The following TXLNB variants were observed in gnomAD, a reference collection of about 807,000 sequenced individuals.
TXLNB encodes the protein taxilin beta.
A neutral mutation model predicts 57.4 loss-of-function variants in TXLNB; 37 were observed. The observed-to-expected ratio is 0.64, with a 90% CI of 0.50 to 0.85. The LOEUF is 0.85. TXLNB is among the 40% of genes least tolerant of loss of function. The probability of loss-of-function intolerance (pLI) is 0.00; values close to 1 mark genes in which losing one functional copy is unlikely to be tolerated. For synonymous variants in TXLNB, 302 were observed against 309.6 expected (o/e 0.98, Z 0.26); for missense variants, 848 against 825.6 (o/e 1.03, Z -0.33).
chr6:139,317,291 T>A, the TXLNB span, among the ~76,000 whole-genome samples: 1 of 152,172 alleles, frequency 6.6e-6, no homozygotes, highest in Admixed American at 6.5e-5. Flanking sequence ...ACACAATGAT[T>A]GGCATTAAGT....
chr6:139,244,080 C>G (rs1244707735), intron 9 of TXLNB, among the ~76,000 whole-genome samples: 2 of 152,130 alleles, frequency 1.3e-5, no homozygotes, highest in Non-Finnish European at 2.9e-5. Context: ...TTTGGACTCT[C>G]AAAACCTACT....
chr6:139,209,791 T>C, the TXLNB span, among the ~76,000 whole-genome samples: 8 of 152,072 alleles, frequency 5.3e-5, no homozygotes, highest in Non-Finnish European at 8.8e-5. Flanking sequence ...AAAAACTCTT[T>C]TAGACATTGG....
At chr6:139,194,076 C>G in the TXLNB span, among the ~76,000 whole-genome samples, 2 of 151,618 alleles carry the variant, frequency 1.3e-5, no homozygotes, top group African/African-American at 4.8e-5. Flanking sequence ...CTCCTGACCT[C>G]GTGATCCGCC....
chr6:139,288,653 C>T lies in TXLNB; in HGVS notation c.247G>A (p.Ala83Thr). The change falls in exon 2 of 10, where the codon GCC (alanine) becomes ACC (threonine). Residue 83 changes from alanine to threonine, a missense_variant. Coordinates refer to ENST00000358430, the MANE Select transcript of TXLNB (RefSeq NM_153235.4). The part of the protein sequence containing the change: ...AASTAGKEGS[A>T]RASEQPENAE... ...TTCTCAGGCTGCTCACTGGCCCTGG[C>T]AGAGCCCTCTTTCCCTGCTGTGCTG... 1 of 1,614,194 alleles carries T rather than the reference C, an allele frequency of 6.2e-7. No individual in the cohort carries two copies. Among genetic ancestry groups the T allele is most frequent in the Non-Finnish European group, 8.5e-7 (1 of 1,180,040 alleles).
chr6:139,322,542 ATG>A, the TXLNB span, among the ~76,000 whole-genome samples: 8 of 152,274 alleles, frequency 5.3e-5, no homozygotes, highest in East Asian at 7.7e-4. Flanking sequence ...ATTATAGAAA[ATG>A]GCAACTCCAT....
At chr6:139,290,977 T>A (rs1777287489) in intron 1 of TXLNB, among the ~76,000 whole-genome samples, 1 of 152,232 alleles carries the variant, frequency 6.6e-6, no homozygotes, top group East Asian at 1.9e-4. Context: ...CAAACACTCA[T>A]AACTTAGAGG....
Position 139,243,206 on chromosome 6 carries a change from T to C in TXLNB, c.1375A>G (p.Arg459Gly). 1.2e-6 allele frequency: 2 copies of C among 1,614,222 alleles called. No individual in the cohort carries two copies. Among genetic ancestry groups the C allele is most frequent in the Non-Finnish European group, 1.7e-6 (2 of 1,180,044 alleles). Reference protein sequence around the residue: ...EERNELHKKIRDAEISEKDDQ... With the variant: ...EERNELHKKIGDAEISEKDDQ... ...TCCTTTTCAGATATTTCTGCGTCTC[T>C]GATTTTTTTGTGGAGTTCGTTTCTC... The change falls in exon 10 of 10, where the codon AGA (arginine) becomes GGA (glycine). Residue 459 changes from arginine to glycine, a missense_variant. Coordinates refer to ENST00000358430, the MANE Select transcript of TXLNB (RefSeq NM_153235.4).
In TXLNB at chr6:139,268,360, T is replaced by C. The variant is rs575527451; in HGVS notation, c.687+2096A>G. On this transcript the variant is annotated intron_variant, in intron 4 of 9. Coordinates refer to ENST00000358430, the MANE Select transcript of TXLNB (RefSeq NM_153235.4). ...TTAACTCTCATTTCTCAGCAATTGA[T>C]AAAAAAATTCAAAAAAGGCATAAAT... is the stretch of plus-strand genomic sequence containing the variant. 2.1e-4 allele frequency among the ~76,000 whole-genome samples: 32 copies of C among 152,128 alleles called. No individual in the cohort carries two copies. In the South Asian group the frequency reaches 6.6e-3, roughly 32 times the overall value.
chr6:139,278,281 A>T (rs1043511449), intron 2 of TXLNB, among the ~76,000 whole-genome samples: 6 of 152,224 alleles, frequency 3.9e-5, no homozygotes, highest in Non-Finnish European at 1.5e-5. Flanking sequence ...TTCTGATGCT[A>T]GAGAGACCTA....
At chr6:139,170,238 A>G in the TXLNB span, 1 of 152,346 alleles carries the variant, frequency 6.6e-6, no homozygotes, top group East Asian at 1.9e-4. Flanking sequence ...TCCATGATGG[A>G]CAGATTATTG....
chr6:139,191,606 T>C, the TXLNB span, among the ~76,000 whole-genome samples: 1 of 152,172 alleles, frequency 6.6e-6, no homozygotes, highest in Non-Finnish European at 1.5e-5. Context: ...TTTCCTGTCC[T>C]CTGTGAAAAC....
chr6:139,262,115 C>T (rs1776498256), intron 5 of TXLNB, among the ~76,000 whole-genome samples: 1 of 151,734 alleles, frequency 6.6e-6, no homozygotes, highest in Non-Finnish European at 1.5e-5. Flanking sequence ...ACTATGTTGG[C>T]CAGGCTGCTC....
the TXLNB span, among the ~76,000 whole-genome samples, chr6:139,198,452 C>G: frequency 1.3e-5 from 2 of 152,118 alleles, no homozygotes; most frequent in Non-Finnish European, 2.9e-5. Flanking sequence ...CCTGAGGACC[C>G]TGGAGCCAGC....
chr6:139,208,596 G>C, the TXLNB span, among the ~76,000 whole-genome samples: 4 of 152,180 alleles, frequency 2.6e-5, no homozygotes, highest in Non-Finnish European at 5.9e-5. Flanking sequence ...AATCCACCAT[G>C]ATCAAGTGGG....
chr6:139,302,609 CAAAAAA>C, the TXLNB span, among the ~76,000 whole-genome samples: 3 of 118,128 alleles, frequency 2.5e-5, no homozygotes, highest in African/African-American at 9.0e-5. Flanking sequence ...ACTAAAAATA[CAAAAAA>C]AAAAAAAAAA....
the TXLNB span, among the ~76,000 whole-genome samples, chr6:139,201,504 T>C: frequency 2.0e-5 from 3 of 152,184 alleles, no homozygotes; most frequent in African/African-American, 7.2e-5. Context: ...TTGTTCCTGC[T>C]CAAGCTACCT....
chr6:139,242,576 C>T lies in TXLNB; in HGVS notation c.2005G>A (p.Gly669Arg). The T allele has an allele frequency of 6.6e-7, 1 of 1,526,066 alleles. No homozygotes were observed. The highest frequency in any genetic ancestry group is 1.3e-5 in the South Asian group (1 of 76,782). The allele number at this position is 1,526,066 out of a possible 1,614,324, so 94.5% of individuals were successfully genotyped here. A position where few individuals can be genotyped will look rare whatever the true frequency, so the allele number is the denominator to read the frequency against. The change falls in exon 10 of 10, where the codon GGG (glycine) becomes AGG (arginine). Residue 669 changes from glycine (G) to arginine (R), a missense_variant. Transcript: ENST00000358430. ...TCAGCCACGTTGCGCGGCTGGGGCC[C>T]AGCTGAGGCCCCTACTGGCAGCTCC... ...AEELPVGASA[G>R]PQPRNVADTN...
At chr6:139,288,447 A>T (rs1777226799) in intron 2 of TXLNB, 29 bp downstream of exon 2, 1 of 1,599,660 alleles carries the variant, frequency 6.3e-7, no homozygotes, top group African/African-American at 1.3e-5. Flanking sequence ...CCATACAGAA[A>T]AGTCACATAT....
At chr6:139,237,364 G>C (rs1404452952), downstream of TXLNB, 2 of 151,938 alleles carry the variant, frequency 1.3e-5, no homozygotes, top group African/African-American at 4.8e-5. Flanking sequence ...TTTATTTTGG[G>C]TGTGGTGGCA....
Sources: gnomAD v4.1 joint callset for allele counts (sites outside exome capture counted in the v4.1 genomes callset) on GRCh38, gnomAD v4.1.1 for gene constraint, MANE v1.5 for transcripts, NCBI Gene and HGNC (gene_info 2026-07-23, HGNC 2026-07-21) for gene names.